CPAMD8: variants seen among roughly 807,000 people sequenced by gnomAD.
The protein encoded by CPAMD8 is C3 and PZP-like alpha-2-macroglobulin domain-containing protein 8.
A neutral mutation model predicts 224.7 loss-of-function variants in CPAMD8; 146 were observed. That is an observed-to-expected ratio of 0.65 (90% confidence interval 0.57 to 0.75). The LOEUF (loss-of-function observed/expected upper bound fraction) is 0.75, where lower values mean the gene tolerates loss of function less well. CPAMD8 is among the 30% of genes least tolerant of loss of function. The pLI, the probability that CPAMD8 is intolerant of heterozygous loss-of-function variation, is 0.00. For synonymous variants in CPAMD8, 966 were observed against 1,044.6 expected (o/e 0.92, Z 1.45); for missense variants, 2,301 against 2,537.5 (o/e 0.91, Z 2.00).
Position 16,987,152 on chromosome 19 carries a change from C to CAAAAAAA in CPAMD8, c.1395+2484_1395+2490dup, listed in dbSNP as rs1214757739. Reference sequence around the variant, plus strand: ...CCAGCCTGGGAGACAGAGACTCTGTCAAAAAAAAAAAAAAAAAAAAAAAAA... The same window carrying CAAAAAAA: ...CCAGCCTGGGAGACAGAGACTCTGTCAAAAAAAAAAAAAAAAAAAAAAAAAAAAAAAA... On this transcript the variant is annotated intron_variant, in intron 13 of 41. Coordinates refer to ENST00000443236, the MANE Select transcript of CPAMD8 (RefSeq NM_015692.5). Among the ~76,000 whole-genome samples the CAAAAAAA allele has an allele frequency of 1.8e-3, 42 of 22,998 alleles. 6 individuals are homozygous for CAAAAAAA. The highest frequency in any genetic ancestry group is 4.4e-3 in the Admixed American group (5 of 1,132). The allele number at this position is 22,998 out of a possible 152,430, so 15.1% of individuals were successfully genotyped here. A position where few individuals can be genotyped will look rare whatever the true frequency, so the allele number is the denominator to read the frequency against.
intron 39 of CPAMD8, 21 bp from the exon 40 acceptor site, chr19:16,896,686 G>T: frequency 2.1e-6 from 3 of 1,408,518 alleles, no homozygotes; most frequent in South Asian, 1.5e-5. Context: ...AGGCAGGCTC[G>T]ACAGACCCCC....
In CPAMD8 at chr19:16,893,079, C is replaced by T. The variant is rs189891355; in HGVS notation, c.*29G>A. The stretch of plus-strand genomic sequence containing the variant: ...ATGAATGGTCCCCAGGACCAAACTG[C>T]GGTCCCACAACTGCATGTGGTTGTA... On this transcript the variant is annotated 3_prime_UTR_variant, in exon 42 of 42. Transcript: ENST00000443236. 1.1e-4 allele frequency: 108 copies of T among 1,002,758 alleles called. No homozygotes were observed. In the Admixed American group the frequency reaches 1.5e-3, roughly 14 times the overall value. 62.1% of individuals were successfully genotyped at this position (1,002,758 alleles called of 1,614,324 possible).
chr19:16,975,918 T>C (rs2055249637), intron 16 of CPAMD8, 84 bp downstream of exon 16: 2 of 1,327,386 alleles, frequency 1.5e-6, no homozygotes, highest in African/African-American at 1.5e-5. Context: ...TCTTCATTTA[T>C]TGGAATGAGA....
At chr19:16,991,337 G>A (rs2055942215) in intron 12 of CPAMD8, among the ~76,000 whole-genome samples, 1 of 152,172 alleles carries the variant, frequency 6.6e-6, no homozygotes, top group Non-Finnish European at 1.5e-5. Flanking sequence ...CAGCCAGTAG[G>A]TGGGAAGCAC....
intron 28 of CPAMD8, 55 bp downstream of exon 28, chr19:16,914,602 T>C: frequency 6.2e-7 from 1 of 1,613,020 alleles, no homozygotes. Context: ...AGGTCAGGGC[T>C]GGGGCTCTGG....
At chr19:16,958,509 T>C (rs1039453437) in intron 18 of CPAMD8, among the ~76,000 whole-genome samples, 1 of 152,256 alleles carries the variant, frequency 6.6e-6, no homozygotes, top group Non-Finnish European at 1.5e-5. Flanking sequence ...ATTTTATTTA[T>C]CCAATCTGTC....
intron 23 of CPAMD8, among the ~76,000 whole-genome samples, chr19:16,929,614 C>T (rs570422983): frequency 3.9e-5 from 6 of 152,220 alleles, no homozygotes; most frequent in South Asian, 2.1e-4. Context: ...GCAGGAGGAT[C>T]GCTTGAGCCC....
At chr19:16,957,658 G>A in intron 19 of CPAMD8, 195 bp downstream of exon 19, 1 of 625,272 alleles carries the variant, frequency 1.6e-6, no homozygotes, top group East Asian at 2.6e-5. Context: ...ATATTTCACA[G>A]GCAAACGTCC....
At chr19:16,956,945 C>T (rs2054491733) in intron 19 of CPAMD8, among the ~76,000 whole-genome samples, 1 of 152,080 alleles carries the variant, frequency 6.6e-6, no homozygotes, top group Admixed American at 6.5e-5. Context: ...GGATTACAGG[C>T]ATGAGCTACC....
At chr19:16,973,102 G>A (rs991062301) in intron 17 of CPAMD8, among the ~76,000 whole-genome samples, 5 of 152,098 alleles carry the variant, frequency 3.3e-5, no homozygotes, top group Non-Finnish European at 5.9e-5. Context: ...CCAGGAGGTC[G>A]AGACTGAAGT....
chr19:16,906,351 TTTCTTTCTTTC>T (rs1221398521), intron 30 of CPAMD8, among the ~76,000 whole-genome samples: 7 of 34,450 alleles, frequency 2.0e-4, no homozygotes, highest in African/African-American at 7.8e-4. Flanking sequence ...TCTTTCTTTC[TTTCTTTCTTTC>T]TTTCTTTCTT....
chr19:16,915,810 C>T (rs4808537), intron 27 of CPAMD8, among the ~76,000 whole-genome samples: 2 of 151,626 alleles, frequency 1.3e-5, no homozygotes, highest in African/African-American at 4.8e-5. Flanking sequence ...TTAGCCTGCC[C>T]GCCTGCCCGC....
intron 3 of CPAMD8, among the ~76,000 whole-genome samples, chr19:17,017,213 C>T (rs1479011039): frequency 1.3e-5 from 2 of 152,156 alleles, no homozygotes; most frequent in African/African-American, 2.4e-5. Context: ...GCCTGATGAT[C>T]TGTTACTGTC....
chr19:16,904,003 G>C (rs574729012), intron 32 of CPAMD8, 146 bp from the exon 33 acceptor site: 2 of 932,698 alleles, frequency 2.1e-6, no homozygotes, highest in Non-Finnish European at 3.2e-6. Flanking sequence ...CATGGCACTG[G>C]GGGCCTCAGG....
chr19:16,911,653 C>G (rs2052733346), intron 29 of CPAMD8, among the ~76,000 whole-genome samples: 2 of 152,212 alleles, frequency 1.3e-5, no homozygotes, highest in South Asian at 4.1e-4. Context: ...TCACGCCATT[C>G]TCCTGCCTCA....
At position 16,904,310 on chromosome 19, in the gene CPAMD8, C is replaced by A. The variant is rs1380074987; in HGVS notation, c.4167G>T (p.Leu1389=). 2.5e-6 allele frequency: 4 copies of A among 1,613,686 alleles called. No individual in the cohort carries two copies. In the African/African-American group the frequency reaches 5.3e-5, roughly 22 times the overall value. ...MTAYALLTYT[L]LGDVAAALPV... Reference sequence around the variant, plus strand: ...GCAGGGCGGCAGCCACGTCACCCAGCAGAGTGTAGGTCAGAAGGGCGTAGG... The same window carrying A: ...GCAGGGCGGCAGCCACGTCACCCAGAAGAGTGTAGGTCAGAAGGGCGTAGG... The change falls in exon 32 of 42, where the codon CTG becomes CTT. Residue 1389 remains leucine (L), a synonymous_variant. Transcript: ENST00000443236.
chr19:17,017,094 C>A (rs574853687), intron 3 of CPAMD8, among the ~76,000 whole-genome samples: 3 of 152,038 alleles, frequency 2.0e-5, no homozygotes, highest in African/African-American at 7.2e-5. Context: ...GCCTAAGCTC[C>A]GCCTCCCATC....
At position 16,993,441 on chromosome 19, in the gene CPAMD8, G is replaced by A. The variant is rs192285706; in HGVS notation, c.1241C>T (p.Thr414Met). The change falls in exon 12 of 42, where the codon ACG (threonine) becomes ATG (methionine). Residue 414 changes from threonine (T) to methionine (M), a missense_variant. Thr to Met is a moderately conservative substitution (Grantham distance 81). Transcript: ENST00000443236. The part of the protein sequence containing the change: ...LVGFEIPSIP[T>M]SAQHVWLETK... ...CTCCAGCCACACGTGCTGGGCTGACGTGGGGATGGAGGGGATTTCAAACCC... is the reference window on the plus strand; with the variant it reads ...CTCCAGCCACACGTGCTGGGCTGACATGGGGATGGAGGGGATTTCAAACCC... 7.7e-5 allele frequency: 124 copies of A among 1,613,698 alleles called. 1 individual carries two copies. The highest frequency in any genetic ancestry group is 7.5e-4 in the Admixed American group (45 of 59,968).
chr19:16,939,207 C>A (rs1385728920), intron 22 of CPAMD8, among the ~76,000 whole-genome samples: 2 of 131,096 alleles, frequency 1.5e-5, no homozygotes, highest in East Asian at 2.2e-4. Context: ...ATCTATGTAT[C>A]TATCTATCTA....
Sources: gnomAD v4.1 joint callset for allele counts (sites outside exome capture counted in the v4.1 genomes callset) on GRCh38, gnomAD v4.1.1 for gene constraint, MANE v1.5 for transcripts, NCBI Gene and HGNC (gene_info 2026-07-23, HGNC 2026-07-21) for gene names.